The following DOCK3 variants were observed in gnomAD, a reference collection of about 807,000 sequenced individuals.
DOCK3 encodes dedicator of cytokinesis protein 3.
DOCK3 carries 60 observed loss-of-function variants against 265.6 expected under a neutral mutation model. That is an observed-to-expected ratio of 0.23 (90% CI 0.18 to 0.28). DOCK3 has a LOEUF of 0.28. Among genes scored for constraint, DOCK3 ranks in the 10% least tolerant of loss-of-function variants. The pLI, the probability that DOCK3 is intolerant of heterozygous loss-of-function variation, is 1.00. For missense variants in DOCK3, 1,981 were observed against 2,594.3 expected (o/e 0.76, Z 5.14); for synonymous variants, 881 against 938.0 (o/e 0.94, Z 1.11).
chr3:51,201,123 G>A (rs1176860715), intron 12 of DOCK3, among the ~76,000 whole-genome samples: 7 of 150,582 alleles, frequency 4.6e-5, no homozygotes, highest in African/African-American at 1.7e-4. Context: ...CAACTAATGA[G>A]CAAAATAACC....
chr3:50,758,848 C>T (rs2040355894), intron 1 of DOCK3, among the ~76,000 whole-genome samples: 2 of 152,164 alleles, frequency 1.3e-5, no homozygotes, highest in Admixed American at 6.5e-5. Flanking sequence ...TGAGGATCAT[C>T]TATAGTGGAA....
intron 22 of DOCK3, 113 bp from the exon 23 acceptor site, chr3:51,260,043 C>T: frequency 9.2e-7 from 1 of 1,092,306 alleles, no homozygotes; most frequent in Non-Finnish European, 1.3e-6. Flanking sequence ...TAGAATTGCC[C>T]AACACCTGAT....
intron 2 of DOCK3, among the ~76,000 whole-genome samples, chr3:50,782,596 T>C (rs1245851597): frequency 6.6e-6 from 1 of 151,812 alleles, no homozygotes; most frequent in Non-Finnish European, 1.5e-5. Flanking sequence ...TGTGTGTGTG[T>C]GTGTGTGTGT....
chr3:50,867,892 T>C (rs1239728502), intron 3 of DOCK3, among the ~76,000 whole-genome samples: 2 of 152,186 alleles, frequency 1.3e-5, no homozygotes, highest in Non-Finnish European at 2.9e-5. Context: ...TTTTCCTTTT[T>C]CATGTGTCAT....
chr3:50,868,078 C>CTT (rs71633039), intron 3 of DOCK3, among the ~76,000 whole-genome samples: 2,491 of 141,204 alleles, frequency 0.018, 36 homozygotes, highest in Non-Finnish European at 0.027. Flanking sequence ...TGGGAGACTT[C>CTT]TTTTTTTTTT....
chr3:51,280,054 A>G lies in DOCK3; in HGVS notation c.2824-52A>G, dbSNP rs115616524. The stretch of plus-strand genomic sequence containing the variant: ...TCCTTGCCCTCTATGGATTGGGGGA[A>G]CACAGCCCTTGCAATTGGCCATGCT... On this transcript the variant is annotated intron_variant, in intron 26 of 52. Coordinates refer to ENST00000266037, the MANE Select transcript of DOCK3 (RefSeq NM_004947.5). 1.5e-3 allele frequency: 2,187 copies of G among 1,487,540 alleles called. 34 individuals carry two copies. In the African/African-American group the frequency reaches 0.026, roughly 18 times the overall value. 92.1% of individuals were successfully genotyped at this position (1,487,540 alleles called of 1,614,324 possible). A position where few individuals can be genotyped will look rare whatever the true frequency, so the allele number is the denominator to read the frequency against.
In DOCK3 at chr3:51,160,721, G is replaced by T; in HGVS notation, c.1037+19G>T. The T allele has an allele frequency of 6.2e-7, 1 of 1,606,678 alleles. No homozygotes were observed. Among genetic ancestry groups the T allele is most frequent in the South Asian group, 1.1e-5 (1 of 89,992 alleles). On this transcript the variant is annotated intron_variant, in intron 12 of 52. Coordinates refer to ENST00000266037, the MANE Select transcript of DOCK3 (RefSeq NM_004947.5). ...TTTACACGTGAGTAATGGACATCAG[G>T]AATATTAATGATTTGTAGCATAAGA...
intron 12 of DOCK3, among the ~76,000 whole-genome samples, chr3:51,168,434 G>A (rs2086511312): frequency 6.6e-6 from 1 of 152,030 alleles, no homozygotes; most frequent in Non-Finnish European, 1.5e-5. Flanking sequence ...CAGAAATAAG[G>A]CAGCATGCCT....
At chr3:50,795,602 G>A (rs2042728991) in intron 2 of DOCK3, among the ~76,000 whole-genome samples, 1 of 152,134 alleles carries the variant, frequency 6.6e-6, no homozygotes, top group Non-Finnish European at 1.5e-5. Flanking sequence ...GGATGGCCTT[G>A]ATCTCTTGAC....
chr3:51,371,180 G>C (rs934252257), intron 49 of DOCK3, among the ~76,000 whole-genome samples: 2 of 152,202 alleles, frequency 1.3e-5, no homozygotes, highest in African/African-American at 2.4e-5. Context: ...TGTGTGTTTT[G>C]GGACAGAAGG....
At chr3:50,974,858 C>T (rs1239208403) in intron 5 of DOCK3, among the ~76,000 whole-genome samples, 1 of 133,982 alleles carries the variant, frequency 7.5e-6, no homozygotes, top group Non-Finnish European at 1.6e-5. Context: ...TCCTTCACAT[C>T]CCTTGTAAGT....
intron 12 of DOCK3, among the ~76,000 whole-genome samples, chr3:51,178,541 C>T (rs1407350270): frequency 6.6e-6 from 1 of 152,190 alleles, no homozygotes; most frequent in Non-Finnish European, 1.5e-5. Context: ...AACATACCCA[C>T]CTTCTTAGCT....
chr3:50,841,705 C>T lies in DOCK3; in HGVS notation c.152C>T (p.Pro51Leu). Reference protein sequence around the residue: ...GWYRGVSTKKPNVKGIFPANY... With the variant: ...GWYRGVSTKKLNVKGIFPANY... ...TACAGAGGAGTTTCAACAAAGAAGC[C>T]AAATGTGAAGGTAATGAAAAGTTTA... The change falls in exon 3 of 53, where the codon CCA becomes CTA. Residue 51 changes from proline (P) to leucine (L), a missense_variant. Coordinates refer to ENST00000266037, the MANE Select transcript of DOCK3 (RefSeq NM_004947.5). 1 of 1,208,116 alleles carries T rather than the reference C, an allele frequency of 8.3e-7. No homozygotes were observed. The highest frequency in any genetic ancestry group is 2.1e-5 in the South Asian group (1 of 47,912). 74.8% of individuals were successfully genotyped at this position (1,208,116 alleles called of 1,614,324 possible).
At chr3:50,972,910 A>T (rs553530955) in intron 5 of DOCK3, among the ~76,000 whole-genome samples, 1 of 150,128 alleles carries the variant, frequency 6.7e-6, no homozygotes, top group African/African-American at 2.4e-5. Flanking sequence ...TTAATTCCAT[A>T]CAAGTTTTAG....
At chr3:50,920,118 A>C (rs2108019349) in intron 4 of DOCK3, among the ~76,000 whole-genome samples, 3 of 152,330 alleles carry the variant, frequency 2.0e-5, no homozygotes, top group East Asian at 3.9e-4. Context: ...ATTGTGGATA[A>C]GCTTTTTGAT....
intron 6 of DOCK3, among the ~76,000 whole-genome samples, chr3:51,073,996 C>T (rs900945154): frequency 6.6e-6 from 1 of 152,060 alleles, no homozygotes; most frequent in South Asian, 2.1e-4. Flanking sequence ...TGGATGTGCA[C>T]CTGATTTTAT....
intron 2 of DOCK3, among the ~76,000 whole-genome samples, chr3:50,801,507 A>G (rs1388663728): frequency 6.6e-6 from 1 of 152,242 alleles, no homozygotes; most frequent in Non-Finnish European, 1.5e-5. Flanking sequence ...TAAGTTTAAA[A>G]GTAGAAGGCA....
intron 27 of DOCK3, among the ~76,000 whole-genome samples, chr3:51,297,583 C>T (rs964629482): frequency 3.3e-5 from 5 of 152,044 alleles, no homozygotes; most frequent in Admixed American, 2.6e-4. Flanking sequence ...AAAAGATACT[C>T]CACATTATTA....
chr3:50,743,541 A>G lies in DOCK3; in HGVS notation c.38-35134A>G, dbSNP rs376011325. 7.3e-4 allele frequency among the ~76,000 whole-genome samples: 110 copies of G among 150,510 alleles called. 1 individual carries two copies. In the East Asian group the frequency reaches 0.02, roughly 27 times the overall value. ...AAAACAAAAAAAGGCAGGGGTTGCA[A>G]TCCTAGTCTCTGATAAAACAGACTT... On this transcript the variant is annotated intron_variant, in intron 1 of 52. Coordinates refer to ENST00000266037, the MANE Select transcript of DOCK3 (RefSeq NM_004947.5).
Sources: allele counts gnomAD v4.1 joint callset (sites outside exome capture counted in the v4.1 genomes callset), GRCh38; gene constraint gnomAD v4.1.1; transcripts MANE v1.5; gene names NCBI Gene and HGNC (gene_info 2026-07-23, HGNC 2026-07-21).